The following CPT1A variants were observed in gnomAD, a reference collection of about 807,000 sequenced individuals.
CPT1A encodes the protein carnitine palmitoyltransferase 1A.
In CPT1A, 64 loss-of-function variants were observed where a neutral mutation model predicts 100.8. The observed-to-expected ratio is 0.63, with a 90% confidence interval of 0.52 to 0.78. The LOEUF (loss-of-function observed/expected upper bound fraction) is 0.78, where lower values mean the gene tolerates loss of function less well. Ranked by LOEUF, CPT1A falls within the 30% of genes least tolerant of loss-of-function variation. The pLI, the probability that CPT1A is intolerant of heterozygous loss-of-function variation, is 0.00. For missense variants in CPT1A, 802 were observed against 1,034.1 expected (o/e 0.78, Z 3.08); for synonymous variants, 363 against 396.0 (o/e 0.92, Z 0.99).
At chr11:68,839,659 C>G (rs1857113184) in intron 1 of CPT1A, 1 of 985,356 alleles carries the variant, frequency 1.0e-6, no homozygotes, top group African/African-American at 1.7e-5. Flanking sequence ...ACGCAGGCAC[C>G]GCGCTCAAGA....
chr11:68,772,734 G>A (rs969965060), intron 14 of CPT1A, among the ~76,000 whole-genome samples: 1 of 152,028 alleles, frequency 6.6e-6, no homozygotes, highest in African/African-American at 2.4e-5. Flanking sequence ...AATTTAGTAT[G>A]GTGAAAGGAA....
At chr11:68,842,172 C>T (rs933790573), upstream of CPT1A, among the ~76,000 whole-genome samples, 1 of 152,176 alleles carries the variant, frequency 6.6e-6, no homozygotes, top group Non-Finnish European at 1.5e-5. Context: ...CGCTTAGCTC[C>T]GTGCCTGGCT....
chr11:68,759,872 TAC>T lies in CPT1A; in HGVS notation c.2143-213_2143-212del, dbSNP rs34518934. ...GTGAAACCCTGTCTCTACAAAAAAA[TAC>T]ACACACACACACAAATTAGCTGGGC... On this transcript the variant is annotated intron_variant, in intron 17 of 18. Coordinates refer to ENST00000265641, the MANE Select transcript of CPT1A (RefSeq NM_001876.4). Among the ~76,000 whole-genome samples the T allele has an allele frequency of 6.0e-5, 9 of 150,292 alleles. No individual in the cohort carries two copies. In the East Asian group the frequency reaches 1.6e-3, roughly 26 times the overall value.
At chr11:68,821,127 T>C (rs7480689) in intron 1 of CPT1A, among the ~76,000 whole-genome samples, 134,021 of 152,222 alleles carry the variant, frequency 0.88, 60,480 homozygotes, top group Non-Finnish European at 0.98. Flanking sequence ...TGTGCCACCA[T>C]GTCTGGCTAA....
intron 12 of CPT1A, 94 bp from the exon 13 acceptor site, chr11:68,775,526 G>A (rs1239373241): frequency 9.8e-7 from 1 of 1,021,810 alleles, no homozygotes; most frequent in African/African-American, 1.6e-5. Context: ...TTGCAGAGAT[G>A]TTACAAAGTT....
At chr11:68,798,213 C>A (rs779932600) in intron 6 of CPT1A, among the ~76,000 whole-genome samples, 1 of 152,162 alleles carries the variant, frequency 6.6e-6, no homozygotes, top group African/African-American at 2.4e-5. Context: ...ACCCAGGGAT[C>A]GCTTCCTTTC....
chr11:68,774,568 G>A (rs1056260971), intron 13 of CPT1A, among the ~76,000 whole-genome samples: 2 of 151,536 alleles, frequency 1.3e-5, no homozygotes, highest in Non-Finnish European at 1.5e-5. Flanking sequence ...TCAGCCTCCG[G>A]AGTAGCTGGG....
At chr11:68,783,820 C>T (rs1181357002) in intron 10 of CPT1A, among the ~76,000 whole-genome samples, 3 of 152,210 alleles carry the variant, frequency 2.0e-5, no homozygotes, top group Admixed American at 6.5e-5. Flanking sequence ...AGAAACCCTC[C>T]TATACAATAC....
chr11:68,777,016 G>A lies in CPT1A; in HGVS notation c.1459-1584C>T, dbSNP rs1021171274. 4.6e-5 allele frequency among the ~76,000 whole-genome samples: 7 copies of A among 152,308 alleles called. No individual in the cohort carries two copies. In the East Asian group the frequency reaches 9.6e-4, roughly 21 times the overall value. ...GGCGGCGGGGCGGGTGGAAGGTGCCGCTAATACGTGGGGGTCACAATCCAG... is the reference window on the plus strand; with the variant it reads ...GGCGGCGGGGCGGGTGGAAGGTGCCACTAATACGTGGGGGTCACAATCCAG... On this transcript the variant is annotated intron_variant, in intron 12 of 18. Transcript: ENST00000265641.
intron 2 of CPT1A, among the ~76,000 whole-genome samples, chr11:68,813,529 CAAAAAAAAA>C (rs10590789): frequency 1.5e-4 from 12 of 81,514 alleles, no homozygotes; most frequent in Admixed American, 6.1e-4. Flanking sequence ...AGGCTCTGTC[CAAAAAAAAA>C]AAAAAAAAAA....
At chr11:68,797,851 G>A (rs1043236233) in intron 6 of CPT1A, among the ~76,000 whole-genome samples, 3 of 152,082 alleles carry the variant, frequency 2.0e-5, no homozygotes, top group African/African-American at 4.8e-5. Context: ...GGTGGCGGGT[G>A]CCTGTAATCC....
chr11:68,834,372 G>T (rs1566391960), intron 1 of CPT1A, among the ~76,000 whole-genome samples: 1 of 152,136 alleles, frequency 6.6e-6, no homozygotes, highest in Admixed American at 6.5e-5. Context: ...GGAGGCAGAG[G>T]TTGCAGTGAG....
chr11:68,773,237 G>C lies in CPT1A; in HGVS notation c.1740+28C>G, dbSNP rs1425380650. On this transcript the variant is annotated intron_variant, in intron 14 of 18. Transcript: ENST00000265641. ...GTGTAGGAACCCCCAAAGTGCTCAC[G>C]ACAAAACCCTAGGCGGTCAGTTCTT... The C allele has an allele frequency of 1.9e-6, 3 of 1,612,742 alleles. No homozygotes were observed. The South Asian group carries it at 3.3e-5, about 18-fold the overall frequency.
rs1484365014 is a variant in CPT1A at position 68,794,072 on chromosome 11, A to G, written c.880-670T>C. ...AACATCAAGGGCTTCTCCAAAGGGC[A>G]GATTACAGAATTAAAGTACAACAGA... On this transcript the variant is annotated intron_variant, in intron 8 of 18. Coordinates refer to ENST00000265641, the MANE Select transcript of CPT1A (RefSeq NM_001876.4). 3.3e-5 allele frequency among the ~76,000 whole-genome samples: 5 copies of G among 152,364 alleles called. No homozygotes were observed. The East Asian group carries it at 9.6e-4, about 29-fold the overall frequency.
intron 1 of CPT1A, chr11:68,839,799 A>G (rs572783900): frequency 4.8e-5 from 37 of 763,732 alleles, no homozygotes; most frequent in Non-Finnish European, 5.6e-5. Context: ...CGGAGGCCCA[A>G]CTTGACCGCT....
intron 4 of CPT1A, among the ~76,000 whole-genome samples, chr11:68,806,027 T>C (rs1412140252): frequency 6.6e-6 from 1 of 151,572 alleles, no homozygotes; most frequent in East Asian, 1.9e-4. Flanking sequence ...AATTTTTTTT[T>C]TTTTTTTTTT....
Position 68,793,304 on chromosome 11 carries a change from G to C in CPT1A, c.967+11C>G, listed in dbSNP as rs201996551. On this transcript the variant is annotated intron_variant, in intron 9 of 18. Coordinates refer to ENST00000265641, the MANE Select transcript of CPT1A (RefSeq NM_001876.4). ...CGATTCTCCAGGGGGCCCTGAAGAA[G>C]CTTGACTCACCTGTCTCCTCTCCTG... 199 of 1,603,298 alleles carry C rather than the reference G, an allele frequency of 1.2e-4. 1 individual carries two copies. In the East Asian group the frequency reaches 4.4e-3, roughly 35 times the overall value.
At chr11:68,784,219 C>T (rs1855389025) in intron 10 of CPT1A, among the ~76,000 whole-genome samples, 1 of 152,188 alleles carries the variant, frequency 6.6e-6, no homozygotes, top group Non-Finnish European at 1.5e-5. Flanking sequence ...CCTTGGTTTC[C>T]ATTTGTTCTG....
intron 9 of CPT1A, chr11:68,785,717 T>C (rs1855444016): frequency 5.4e-6 from 2 of 371,316 alleles, no homozygotes; most frequent in Non-Finnish European, 9.7e-6. Context: ...ACGATATCCG[T>C]AAAGCCCATG....
Sources: gnomAD v4.1 joint callset for allele counts (sites outside exome capture counted in the v4.1 genomes callset) on GRCh38, gnomAD v4.1.1 for gene constraint, MANE v1.5 for transcripts, NCBI Gene and HGNC (gene_info 2026-07-23, HGNC 2026-07-21) for gene names.